The following GALNS variants were observed in gnomAD, a reference collection of about 807,000 sequenced individuals.
The protein encoded by GALNS is N-acetylgalactosamine-6-sulfatase.
GALNS carries 65 observed loss-of-function variants against 65.9 expected under a neutral mutation model. The ratio of observed to expected loss-of-function variants is 0.99; its 90% confidence interval spans 0.81 to 1.21. The LOEUF (loss-of-function observed/expected upper bound fraction) is 1.21. Ranked by LOEUF, GALNS falls within the 50% of genes most tolerant of loss-of-function variation. The pLI, the probability that GALNS is intolerant of heterozygous loss-of-function variation, is 0.00. For missense variants in GALNS, 776 were observed against 700.7 expected, an observed-to-expected ratio of 1.11 and a Z score of -1.21; for synonymous variants, 346 against 288.9, an observed-to-expected ratio of 1.20 and a Z score of -2.00.
chr16:88,843,087 C>G (rs370782131), intron 1 of GALNS: 8 of 1,499,302 alleles, frequency 5.3e-6, no homozygotes, highest in Admixed American at 2.0e-5. Flanking sequence ...CCCACGCTGT[C>G]TTTCGCCTCC....
At chr16:88,824,566 G>A (rs7202211) in intron 11 of GALNS, among the ~76,000 whole-genome samples, 88 of 152,224 alleles carry the variant, frequency 5.8e-4, no homozygotes, top group African/African-American at 2.0e-3. Flanking sequence ...GCAGGAAGAG[G>A]TCCCTCCCTC....
Position 88,843,064 on chromosome 16 carries a change from G to A in GALNS, c.121-235C>T, listed in dbSNP as rs775572197. On this transcript the variant is annotated intron_variant, in intron 1 of 13. Coordinates refer to ENST00000268695, the MANE Select transcript of GALNS (RefSeq NM_000512.5). ...GCCTGCGTGCGTGCACGATGGGGCC[G>A]CTCCACGGTCAGCCCACGCTGTCTT... The A allele has an allele frequency of 2.9e-5, 44 of 1,516,494 alleles. 1 individual carries two copies. In the South Asian group the frequency reaches 4.6e-4, roughly 16 times the overall value. The allele number at this position is 1,516,494 out of a possible 1,614,324, so 93.9% of individuals were successfully genotyped here. A position where few individuals can be genotyped will look rare whatever the true frequency, so the allele number is the denominator to read the frequency against.
intron 1 of GALNS, among the ~76,000 whole-genome samples, chr16:88,851,866 C>A (rs113631616): frequency 6.6e-6 from 1 of 152,216 alleles, no homozygotes; most frequent in Non-Finnish European, 1.5e-5. Context: ...AAGCTCGAAC[C>A]GGGCAGAGCC....
intron 12 of GALNS, among the ~76,000 whole-genome samples, chr16:88,821,062 G>C (rs1428169700): frequency 6.6e-6 from 1 of 152,202 alleles, no homozygotes; most frequent in Non-Finnish European, 1.5e-5. Flanking sequence ...TCACCCCCAT[G>C]GGTGATCACG....
chr16:88,854,713 G>A (rs75749244), intron 1 of GALNS, among the ~76,000 whole-genome samples: 1 of 152,256 alleles, frequency 6.6e-6, no homozygotes, highest in Non-Finnish European at 1.5e-5. Context: ...GTGAGGATGT[G>A]GCCAGTTCAG....
rs544872695 is a variant in GALNS at position 88,822,468 on chromosome 16, G to A, written c.1364+121C>T. 47 of 1,324,420 alleles carry A rather than the reference G, an allele frequency of 3.5e-5. 1 individual carries two copies. In the South Asian group the frequency reaches 4.3e-4, roughly 12 times the overall value. The allele number at this position is 1,324,420 out of a possible 1,614,324, so 82.0% of individuals were successfully genotyped here. ...GCACGTGTGGGTATGAATAGCAACA[G>A]CAGATGCAGGCAAGGGGAGGCGGCG... On this transcript the variant is annotated intron_variant, in intron 12 of 13. Transcript: ENST00000268695.
intron 9 of GALNS, among the ~76,000 whole-genome samples, chr16:88,828,022 G>A (rs893501818): frequency 4.6e-5 from 7 of 152,216 alleles, no homozygotes; most frequent in South Asian, 2.1e-4. Flanking sequence ...CTCACTCCGC[G>A]CTGCAGCCGC....
intron 8 of GALNS, among the ~76,000 whole-genome samples, chr16:88,833,182 A>T (rs528497963): frequency 3.2e-4 from 49 of 152,102 alleles, no homozygotes; most frequent in African/African-American, 9.4e-4. Flanking sequence ...CTGCCATCCA[A>T]CCCCGAGCGG....
chr16:88,853,279 C>CT (rs1005693916), intron 1 of GALNS, among the ~76,000 whole-genome samples: 1 of 146,728 alleles, frequency 6.8e-6, no homozygotes, highest in Non-Finnish European at 1.5e-5. Flanking sequence ...AAAAAAAGGC[C>CT]TAAAAGCCCC....
At chr16:88,834,092 G>A (rs547040532) in intron 8 of GALNS, among the ~76,000 whole-genome samples, 27 of 152,294 alleles carry the variant, frequency 1.8e-4, no homozygotes, top group African/African-American at 6.5e-4. Flanking sequence ...GCCTCGACTC[G>A]TGGGTCTGAC....
chr16:88,824,120 G>T (rs908685405), intron 11 of GALNS, among the ~76,000 whole-genome samples: 2 of 152,166 alleles, frequency 1.3e-5, no homozygotes, highest in Non-Finnish European at 2.9e-5. Context: ...GATTAGCAGG[G>T]GGTTCATATC....
chr16:88,855,498 G>C, intron 1 of GALNS: 1 of 702,818 alleles, frequency 1.4e-6, no homozygotes, highest in Non-Finnish European at 2.6e-6. Flanking sequence ...CTGGGCGCTG[G>C]AGAGCGTGCT....
chr16:88,826,757 C>A lies in GALNS; in HGVS notation c.1084G>T (p.Ala362Ser), dbSNP rs1342270633. The A allele has an allele frequency of 6.2e-7, 1 of 1,611,332 alleles. No homozygotes were observed. The highest frequency in any genetic ancestry group is 8.5e-7 in the Non-Finnish European group (1 of 1,179,278). ...GGGAGGAGGTTGAGGCCATCAATGG[C>A]CCTGTCGCTGGGCGGCGTCAGGCCC... is the stretch of plus-strand genomic sequence containing the variant. ...LAGLTPPSDR[A>S]IDGLNLLPTL... The change falls in exon 10 of 14, where the codon GCC (alanine) becomes TCC (serine). Residue 362 changes from alanine to serine, a missense_variant. By Grantham distance (99) the Ala-to-Ser change is moderately conservative. Transcript: ENST00000268695.
At chr16:88,833,575 C>T (rs1188675850) in intron 8 of GALNS, among the ~76,000 whole-genome samples, 1 of 151,998 alleles carries the variant, frequency 6.6e-6, no homozygotes, top group East Asian at 1.9e-4. Flanking sequence ...ACTTAGCCTG[C>T]CCAGCAGCTG....
At chr16:88,833,077 C>CAAAAAAAA (rs869226834) in intron 8 of GALNS, among the ~76,000 whole-genome samples, 1 of 74,654 alleles carries the variant, frequency 1.3e-5, no homozygotes, top group Non-Finnish European at 2.6e-5. Context: ...GACTCCTTCT[C>CAAAAAAAA]AAAAAAAAAA....
At chr16:88,817,509 G>A (rs1208482429) in intron 13 of GALNS, 3 of 985,298 alleles carry the variant, frequency 3.0e-6, no homozygotes, top group Non-Finnish European at 3.6e-6. Flanking sequence ...GGGCCCTGGG[G>A]CCGCCGCCAC....
intron 3 of GALNS, 48 bp from the exon 4 acceptor site, chr16:88,841,142 C>T (rs1025316466): frequency 3.5e-6 from 5 of 1,410,746 alleles, no homozygotes; most frequent in Non-Finnish European, 5.0e-6. Flanking sequence ...CGAGAAGCTG[C>T]CACCAACCCC....
intron 1 of GALNS, among the ~76,000 whole-genome samples, chr16:88,854,717 A>G (rs1967696312): frequency 6.6e-6 from 1 of 152,244 alleles, no homozygotes; most frequent in African/African-American, 2.4e-5. Flanking sequence ...GGATGTGGCC[A>G]GTTCAGAGGC....
At chr16:88,856,372 G>A (rs1250999563) in intron 1 of GALNS, 3 of 701,538 alleles carry the variant, frequency 4.3e-6, no homozygotes, top group Non-Finnish European at 7.8e-6. Flanking sequence ...GCCACGCTGC[G>A]CGCCCACCTT....
Sources: gnomAD v4.1 joint callset for allele counts (sites outside exome capture counted in the v4.1 genomes callset) on GRCh38, gnomAD v4.1.1 for gene constraint, MANE v1.5 for transcripts, NCBI Gene and HGNC (gene_info 2026-07-23, HGNC 2026-07-21) for gene names.